VAV3: variants seen among roughly 807,000 people sequenced by gnomAD.
VAV3 encodes the protein vav guanine nucleotide exchange factor 3, also known as guanine nucleotide exchange factor VAV3.
Under a neutral mutation model 131.2 loss-of-function variants are expected in VAV3, and 94 were observed. The ratio of observed to expected loss-of-function variants is 0.72; its 90% confidence interval spans 0.61 to 0.85. The LOEUF (loss-of-function observed/expected upper bound fraction) is 0.85. Ranked by LOEUF, VAV3 falls within the 40% of genes least tolerant of loss-of-function variation. VAV3 has a pLI of 0.00. For missense variants in VAV3, 939 were observed against 1,002.7 expected (o/e 0.94, Z 0.86); for synonymous variants, 349 against 342.0 (o/e 1.02, Z -0.22).
rs1570643774 is a variant in VAV3 at position 107,629,846 on chromosome 1, T to C, written c.1915-12214A>G. 2.6e-5 allele frequency among the ~76,000 whole-genome samples: 4 copies of C among 152,294 alleles called. 1 individual carries two copies. The South Asian group carries it at 6.2e-4, about 24-fold the overall frequency. On this transcript the variant is annotated intron_variant, in intron 20 of 26. Coordinates refer to ENST00000370056, the MANE Select transcript of VAV3 (RefSeq NM_006113.5). The stretch of plus-strand genomic sequence containing the variant: ...ATTCAAAGAAAGAAAGTTCCTGATA[T>C]ATAGTAGAGGATAATTTGTATTCTC...
intron 1 of VAV3, among the ~76,000 whole-genome samples, chr1:107,960,044 C>T (rs1326322891): frequency 6.6e-6 from 1 of 152,204 alleles, no homozygotes; most frequent in Non-Finnish European, 1.5e-5. Context: ...ATTCTTCCCA[C>T]CATCTGCCCT....
At chr1:107,657,168 T>C (rs6682719) in intron 19 of VAV3, among the ~76,000 whole-genome samples, 18,445 of 152,018 alleles carry the variant, frequency 0.12, 1,242 homozygotes, top group East Asian at 0.19. Flanking sequence ...TTCGCCAGGT[T>C]GATATCAAAC....
At chr1:107,660,882 C>A (rs558485871) in intron 19 of VAV3, among the ~76,000 whole-genome samples, 1 of 152,050 alleles carries the variant, frequency 6.6e-6, no homozygotes, top group African/African-American at 2.4e-5. Flanking sequence ...TACGGAAGCA[C>A]AAACCAAAAG....
chr1:107,687,920 G>A (rs1453581355), intron 18 of VAV3, among the ~76,000 whole-genome samples: 3 of 152,066 alleles, frequency 2.0e-5, no homozygotes, highest in African/African-American at 4.8e-5. Flanking sequence ...TGATCAATAG[G>A]ATGTGATAAT....
chr1:107,679,019 G>A (rs1658419860), intron 19 of VAV3, among the ~76,000 whole-genome samples: 1 of 151,982 alleles, frequency 6.6e-6, no homozygotes, highest in Non-Finnish European at 1.5e-5. Flanking sequence ...TAAATTCTTT[G>A]CGGAAAGGGG....
chr1:107,648,873 G>A (rs1655937277), intron 19 of VAV3, among the ~76,000 whole-genome samples: 1 of 151,976 alleles, frequency 6.6e-6, no homozygotes, highest in African/African-American at 2.4e-5. Context: ...CATGGCTGAT[G>A]TATGTTTCAG....
intron 1 of VAV3, among the ~76,000 whole-genome samples, chr1:107,919,781 T>A (rs1329448145): frequency 2.0e-5 from 3 of 152,114 alleles, no homozygotes; most frequent in Non-Finnish European, 4.4e-5. Flanking sequence ...TAAACTATCT[T>A]ATGAAATCAC....
intron 2 of VAV3, among the ~76,000 whole-genome samples, chr1:107,814,029 T>C (rs904235974): frequency 4.0e-5 from 6 of 148,680 alleles, no homozygotes; most frequent in African/African-American, 1.5e-4. Context: ...CACACCATGT[T>C]TTCTTTACCC....
At chr1:107,669,247 T>C (rs1327444599) in intron 19 of VAV3, 1 of 1,236,046 alleles carries the variant, frequency 8.1e-7, no homozygotes, top group Non-Finnish European at 1.0e-6. Context: ...CCTTACTAAG[T>C]GTCCATAGGA....
intron 15 of VAV3, among the ~76,000 whole-genome samples, chr1:107,735,199 T>C (rs1372644057): frequency 6.6e-6 from 1 of 152,210 alleles, no homozygotes; most frequent in Non-Finnish European, 1.5e-5. Context: ...CTGGGACACA[T>C]TTAAAGCAGT....
intron 1 of VAV3, among the ~76,000 whole-genome samples, chr1:107,890,539 T>C (rs956433090): frequency 6.6e-6 from 1 of 152,196 alleles, no homozygotes; most frequent in Admixed American, 6.5e-5. Flanking sequence ...ACACTATTTC[T>C]GTCTGGGGCT....
chr1:107,669,434 G>T, intron 19 of VAV3: 1 of 1,289,496 alleles, frequency 7.8e-7, no homozygotes, highest in Non-Finnish European at 1.0e-6. Flanking sequence ...CTAGTAGCAG[G>T]GGCCATGGAA....
intron 1 of VAV3, among the ~76,000 whole-genome samples, chr1:107,907,846 AC>A (rs1328492711): frequency 6.6e-6 from 1 of 152,136 alleles, no homozygotes; most frequent in Admixed American, 6.6e-5. Context: ...TTTAACAATT[AC>A]CCAGTCTATG....
chr1:107,634,665 T>C (rs1179635638), intron 20 of VAV3, among the ~76,000 whole-genome samples: 8 of 151,456 alleles, frequency 5.3e-5, no homozygotes, highest in East Asian at 3.9e-4. Flanking sequence ...CAAAAGAAAC[T>C]ACCATCAGAG....
chr1:107,933,527 G>A (rs1294724796), intron 1 of VAV3, among the ~76,000 whole-genome samples: 1 of 152,056 alleles, frequency 6.6e-6, no homozygotes, highest in Admixed American at 6.5e-5. Flanking sequence ...TGCAAATTCT[G>A]TAAATTTAAT....
At chr1:107,628,865 A>T (rs185367049) in intron 20 of VAV3, among the ~76,000 whole-genome samples, 170 of 152,266 alleles carry the variant, frequency 1.1e-3, no homozygotes, top group Admixed American at 9.9e-3. Context: ...AGGTAACATG[A>T]TTTTCCATTT....
At chr1:107,856,434 T>G (rs1238218161) in intron 2 of VAV3, among the ~76,000 whole-genome samples, 2 of 152,148 alleles carry the variant, frequency 1.3e-5, no homozygotes, top group East Asian at 3.9e-4. Context: ...TAACATTTTT[T>G]ATGAGTAGAT....
intron 2 of VAV3, among the ~76,000 whole-genome samples, chr1:107,782,888 G>A (rs4514263): frequency 0.73 from 111,416 of 152,106 alleles, 41,124 homozygotes; most frequent in Non-Finnish European, 0.78. Context: ...TAAGAAGACT[G>A]TTTTCCTGCA....
At chr1:107,954,230 C>T (rs72985456) in intron 1 of VAV3, among the ~76,000 whole-genome samples, 4,862 of 152,096 alleles carry the variant, frequency 0.032, 257 homozygotes, top group African/African-American at 0.11. Flanking sequence ...AAAAAAAATG[C>T]CCTATCAAAG....
Sources: gnomAD v4.1 joint callset for allele counts (sites outside exome capture counted in the v4.1 genomes callset) on GRCh38, gnomAD v4.1.1 for gene constraint, MANE v1.5 for transcripts, NCBI Gene and HGNC (gene_info 2026-07-23, HGNC 2026-07-21) for gene names.